Variants in PTPRD observed in about 807,000 individuals in gnomAD.
The protein encoded by PTPRD is protein tyrosine phosphatase receptor type D, also known as receptor-type tyrosine-protein phosphatase delta.
PTPRD carries 34 observed loss-of-function variants against 214.5 expected under a neutral mutation model. The observed-to-expected ratio is 0.16, with a 90% CI of 0.12 to 0.21. The LOEUF is 0.21. PTPRD is among the 10% of genes least tolerant of loss of function. The probability of loss-of-function intolerance (pLI) is 1.00; values close to 1 mark genes in which losing one functional copy is unlikely to be tolerated. For missense variants in PTPRD, 2,545 were observed against 2,398.7 expected, an observed-to-expected ratio of 1.06 and a Z score of -1.27; for synonymous variants, 1,128 against 845.7, an observed-to-expected ratio of 1.33 and a Z score of -5.79.
intron 9 of PTPRD, among the ~76,000 whole-genome samples, chr9:9,273,699 T>C (rs1240844129): frequency 6.6e-6 from 1 of 151,284 alleles, no homozygotes; most frequent in Non-Finnish European, 1.5e-5. Flanking sequence ...CCCAGTGGGT[T>C]AACCTAGCTC....
chr9:10,578,986 A>G (rs758136974), intron 2 of PTPRD, among the ~76,000 whole-genome samples: 3 of 152,124 alleles, frequency 2.0e-5, no homozygotes, highest in Non-Finnish European at 2.9e-5. Flanking sequence ...TACATGTGCC[A>G]TGGTGATTTG....
intron 9 of PTPRD, among the ~76,000 whole-genome samples, chr9:9,270,859 C>T (rs1039298663): frequency 2.0e-5 from 3 of 151,172 alleles, no homozygotes; most frequent in African/African-American, 7.3e-5. Flanking sequence ...ACCAATAGAA[C>T]TCATTAATGG....
At chr9:8,839,461 A>G (rs1228253467) in intron 11 of PTPRD, among the ~76,000 whole-genome samples, 1 of 152,154 alleles carries the variant, frequency 6.6e-6, no homozygotes, top group Admixed American at 6.5e-5. Flanking sequence ...AACAGCTGGG[A>G]CTACAGGCGG....
intron 10 of PTPRD, among the ~76,000 whole-genome samples, chr9:9,021,806 G>T (rs1249082835): frequency 6.6e-6 from 1 of 152,068 alleles, no homozygotes; most frequent in Non-Finnish European, 1.5e-5. Flanking sequence ...TGTATAGAAT[G>T]ATAATACAAA....
At chr9:9,181,152 T>C (rs888455294) in intron 10 of PTPRD, among the ~76,000 whole-genome samples, 14 of 151,934 alleles carry the variant, frequency 9.2e-5, no homozygotes, top group African/African-American at 3.1e-4. Flanking sequence ...GAAGATAACA[T>C]AGAAAGCCAT....
In PTPRD at chr9:8,317,666, T is replaced by C. The variant is rs1207068835; in HGVS notation, c.*208A>G. The C allele has an allele frequency of 1.2e-5, 5 of 423,970 alleles. No homozygotes were observed. Among genetic ancestry groups the C allele is most frequent in the Non-Finnish European group, 1.3e-5 (3 of 228,984 alleles). The allele number at this position is 423,970 out of a possible 1,614,324, so 26.3% of individuals were successfully genotyped here. On this transcript the variant is annotated 3_prime_UTR_variant, in exon 46 of 46. Transcript: ENST00000381196. ...GATGCCTCATCAGTCAGGATTCTCT[T>C]CATTATTTTTCAGGTTAGATTATTA... is the stretch of plus-strand genomic sequence containing the variant.
intron 11 of PTPRD, among the ~76,000 whole-genome samples, chr9:8,786,729 T>G (rs1007758621): frequency 1.3e-5 from 2 of 149,428 alleles, no homozygotes; most frequent in Non-Finnish European, 3.0e-5. Context: ...ATTTGGAGTT[T>G]TATACCTGAA....
intron 11 of PTPRD, among the ~76,000 whole-genome samples, chr9:8,819,738 G>T (rs1341895482): frequency 6.6e-6 from 1 of 152,136 alleles, no homozygotes; most frequent in Non-Finnish European, 1.5e-5. Context: ...AATAAAATGT[G>T]GGAGATTGTT....
At chr9:10,322,884 G>C (rs974836462) in intron 3 of PTPRD, among the ~76,000 whole-genome samples, 1 of 151,980 alleles carries the variant, frequency 6.6e-6, no homozygotes, top group Non-Finnish European at 1.5e-5. Flanking sequence ...GGAAGATGTT[G>C]ATCTGTGTTA....
At chr9:10,374,648 T>G (rs2097693084) in intron 2 of PTPRD, among the ~76,000 whole-genome samples, 1 of 151,996 alleles carries the variant, frequency 6.6e-6, no homozygotes, top group Non-Finnish European at 1.5e-5. Flanking sequence ...TTAAAAGAAG[T>G]GGGAGGTGGT....
In PTPRD at chr9:10,564,510, A is replaced by G. The variant is rs189035416; in HGVS notation, c.-600+47888T>C. ...TATGATAGTTCCTGGAAGTGGCCAT[A>G]TTAGCTGGGCTAAAGTGATTCTTTC... On this transcript the variant is annotated intron_variant, in intron 2 of 45. Coordinates refer to ENST00000381196, the MANE Select transcript of PTPRD (RefSeq NM_002839.4). Among the ~76,000 whole-genome samples the G allele has an allele frequency of 4.6e-5, 7 of 151,994 alleles. No individual in the cohort carries two copies. The East Asian group carries it at 1.4e-3, about 29-fold the overall frequency.
intron 5 of PTPRD, among the ~76,000 whole-genome samples, chr9:9,816,559 T>C (rs1484783050): frequency 6.6e-6 from 1 of 152,066 alleles, no homozygotes; most frequent in Non-Finnish European, 1.5e-5. Context: ...TTGAATAATA[T>C]ATTGAACAAT....
intron 43 of PTPRD, among the ~76,000 whole-genome samples, chr9:8,333,590 C>G (rs1351631520): frequency 1.3e-5 from 2 of 152,170 alleles, no homozygotes. Flanking sequence ...GTACCAGCCA[C>G]TGCAAAAACA....
intron 3 of PTPRD, among the ~76,000 whole-genome samples, chr9:10,038,625 C>G (rs975165227): frequency 6.6e-6 from 1 of 152,110 alleles, no homozygotes; most frequent in Non-Finnish European, 1.5e-5. Flanking sequence ...TGAATTCACA[C>G]AGCTAATAAT....
At chr9:8,857,156 C>G (rs2097934378) in intron 11 of PTPRD, among the ~76,000 whole-genome samples, 1 of 152,148 alleles carries the variant, frequency 6.6e-6, no homozygotes, top group African/African-American at 2.4e-5. Flanking sequence ...TTGATTCCTG[C>G]TATTTCTCCT....
intron 9 of PTPRD, among the ~76,000 whole-genome samples, chr9:9,273,763 G>A (rs1217103460): frequency 1.3e-5 from 2 of 151,242 alleles, no homozygotes; most frequent in African/African-American, 4.8e-5. Flanking sequence ...ATTTGCACAG[G>A]TGGAAGTAAG....
intron 8 of PTPRD, among the ~76,000 whole-genome samples, chr9:9,433,769 T>C (rs1237995653): frequency 6.6e-6 from 1 of 152,178 alleles, no homozygotes; most frequent in African/African-American, 2.4e-5. Context: ...TTAATTTTAG[T>C]ACCAAAATGG....
intron 9 of PTPRD, among the ~76,000 whole-genome samples, chr9:9,185,875 T>TG (rs1266824935): frequency 6.7e-6 from 1 of 149,636 alleles, no homozygotes; most frequent in Non-Finnish European, 1.5e-5. Flanking sequence ...TTTTTTTTCT[T>TG]TTTTTTTTTG....
At chr9:9,461,181 T>C (rs1445764192) in intron 8 of PTPRD, among the ~76,000 whole-genome samples, 1 of 138,424 alleles carries the variant, frequency 7.2e-6, no homozygotes, top group African/African-American at 2.6e-5. Flanking sequence ...TGTAGGAGAA[T>C]GGAAGTAGGG....
Sources: allele counts gnomAD v4.1 joint callset (sites outside exome capture counted in the v4.1 genomes callset), GRCh38; gene constraint gnomAD v4.1.1; transcripts MANE v1.5; gene names NCBI Gene and HGNC (gene_info 2026-07-23, HGNC 2026-07-21).